The following ZNF207 variants were observed in gnomAD, a reference collection of about 807,000 sequenced individuals.
The protein encoded by ZNF207 is BUB3-interacting and GLEBS motif-containing protein ZNF207.
Under a neutral mutation model 60.2 loss-of-function variants are expected in ZNF207, and 24 were observed. The observed-to-expected ratio is 0.40, with a 90% CI of 0.29 to 0.56. The LOEUF is 0.56. ZNF207 is among the 20% of genes least tolerant of loss of function. The pLI, the probability that ZNF207 is intolerant of heterozygous loss-of-function variation, is 0.49. For synonymous variants in ZNF207, 236 were observed against 194.7 expected (o/e 1.21, Z -1.77); for missense variants, 452 against 636.6 (o/e 0.71, Z 3.12).
rs1426286914 is a variant in ZNF207, at chr17:32,371,412, C to T, written c.*1653C>T. Reference sequence around the variant, plus strand: ...TTTATGTGACAGATGAAAGTCATACCTTTAAGCAAAACATTGCAAGTATTA... The same window carrying T: ...TTTATGTGACAGATGAAAGTCATACTTTTAAGCAAAACATTGCAAGTATTA... On this transcript the variant is annotated 3_prime_UTR_variant, in exon 12 of 12. Transcript: ENST00000394670. 6.6e-6 allele frequency: 1 copy of T among 152,186 alleles called. No homozygotes were observed. Among genetic ancestry groups the T allele is most frequent in the African/African-American group, 2.4e-5 (1 of 41,454 alleles). 9.4% of individuals were successfully genotyped at this position (152,186 alleles called of 1,614,324 possible).
In ZNF207 at chr17:32,369,361, G is replaced by A. The variant is rs762223546; in HGVS notation, c.1231G>A (p.Gly411Ser). ...NLPRPGQAPI[G>S]NPPVGPIGGM... is the part of the protein sequence containing the mutation. Reference sequence around the variant, plus strand: ...TCCTCGGCCAGGACAGGCCCCCATCGGTAATCCACCAGTTGGACCAATTGG... The same window carrying A: ...TCCTCGGCCAGGACAGGCCCCCATCAGTAATCCACCAGTTGGACCAATTGG... Residue 411 changes from glycine to serine, a missense_variant, in exon 11 of 12, where the codon GGT becomes AGT. By Grantham distance (56) the Gly-to-Ser change is moderately conservative (BLOSUM62 0). Transcript: ENST00000394670. The A allele has an allele frequency of 2.1e-5, 34 of 1,613,930 alleles. No individual in the cohort carries two copies. Among genetic ancestry groups the A allele is most frequent in the Middle Eastern group, 3.3e-4 (2 of 6,082 alleles).
rs773689824 is a variant in ZNF207, at chr17:32,360,547, A to G, written c.308-51A>G. ...TATTTTTAAATATTGAATGTTGTAAATAAACTTTCTTAGTTTTTACTCTAT... is the reference window on the plus strand; with the variant it reads ...TATTTTTAAATATTGAATGTTGTAAGTAAACTTTCTTAGTTTTTACTCTAT... On this transcript the variant is annotated intron_variant, in intron 3 of 11. Coordinates refer to ENST00000394670, the MANE Select transcript of ZNF207 (RefSeq NM_001098507.2). 1.4e-5 allele frequency: 21 copies of G among 1,509,480 alleles called. No homozygotes were observed. The African/African-American group carries it at 2.6e-4, about 18-fold the overall frequency. The allele number at this position is 1,509,480 out of a possible 1,614,324, so 93.5% of individuals were successfully genotyped here. A position where few individuals can be genotyped will look rare whatever the true frequency, so the allele number is the denominator to read the frequency against.
At chr17:32,355,132 C>T (rs1214585526) in intron 2 of ZNF207, among the ~76,000 whole-genome samples, 5 of 152,144 alleles carry the variant, frequency 3.3e-5, no homozygotes, top group African/African-American at 1.2e-4. Flanking sequence ...TGCGGTGGCT[C>T]ACGCCTGTAA....
intron 2 of ZNF207, among the ~76,000 whole-genome samples, chr17:32,356,651 C>G (rs1904524972): frequency 6.6e-6 from 1 of 152,122 alleles, no homozygotes; most frequent in Non-Finnish European, 1.5e-5. Context: ...AGTCATTAGC[C>G]TAAATGAGTG....
At chr17:32,363,742 G>T (rs1039723925) in intron 7 of ZNF207, among the ~76,000 whole-genome samples, 2 of 151,472 alleles carry the variant, frequency 1.3e-5, no homozygotes, top group African/African-American at 4.9e-5. Context: ...ATGTCGGCCA[G>T]CTGGTCTCAA....
At position 32,377,547 on chromosome 17, in the gene ZNF207, C is replaced by T. The variant is rs896018074; in HGVS notation, c.*7788C>T. On this transcript the variant is annotated 3_prime_UTR_variant, in exon 12 of 12. Coordinates refer to ENST00000394670, the MANE Select transcript of ZNF207 (RefSeq NM_001098507.2). ...TCTGATGTGACAAAATCAATTTTTA[C>T]AAAAGTTGAATTAAAAACTTTTAAA... 2 of 151,850 alleles carry T rather than the reference C, an allele frequency of 1.3e-5. No individual in the cohort carries two copies. Among genetic ancestry groups the T allele is most frequent in the Non-Finnish European group, 2.9e-5 (2 of 67,832 alleles). The allele number at this position is 151,850 out of a possible 1,614,324, so 9.4% of individuals were successfully genotyped here. A position where few individuals can be genotyped will look rare whatever the true frequency, so the allele number is the denominator to read the frequency against.
At chr17:32,368,127 T>A in intron 10 of ZNF207, 113 bp downstream of exon 10, 2 of 1,445,776 alleles carry the variant, frequency 1.4e-6, no homozygotes, top group Non-Finnish European at 1.9e-6. Context: ...TCTGGTTTAA[T>A]GCTCACTAAG....
intron 2 of ZNF207, among the ~76,000 whole-genome samples, chr17:32,352,360 A>G (rs1363622123): frequency 7.2e-5 from 11 of 152,118 alleles, no homozygotes; most frequent in Non-Finnish European, 1.5e-4. Flanking sequence ...GCCAATCAGC[A>G]TTAAAAAAAA....
chr17:32,356,602 G>A (rs1904520659), intron 2 of ZNF207, among the ~76,000 whole-genome samples: 1 of 152,050 alleles, frequency 6.6e-6, no homozygotes, highest in Non-Finnish European at 1.5e-5. Context: ...TGTCTTAGGA[G>A]GAAAGAAAAA....
Position 32,368,149 on chromosome 17 carries a change from A to G in ZNF207, c.1164+135A>G. 3 of 1,261,958 alleles carry G rather than the reference A, an allele frequency of 2.4e-6. 1 individual carries two copies. In the South Asian group the frequency reaches 4.6e-5, roughly 19 times the overall value. The allele number at this position is 1,261,958 out of a possible 1,614,324, so 78.2% of individuals were successfully genotyped here. ...TAATGCTCACTAAGTGGTTTTTGCCATTCTGATTCTTAAGAAATCATAAAA... is the reference window on the plus strand; with the variant it reads ...TAATGCTCACTAAGTGGTTTTTGCCGTTCTGATTCTTAAGAAATCATAAAA... On this transcript the variant is annotated intron_variant, in intron 10 of 11. Transcript: ENST00000394670.
chr17:32,365,593 A>G, intron 8 of ZNF207, 106 bp downstream of exon 8: 5 of 1,025,084 alleles, frequency 4.9e-6, no homozygotes, highest in Non-Finnish European at 6.5e-6. Flanking sequence ...TGTTTATAAT[A>G]TTTTTAATAT....
In ZNF207 at chr17:32,369,897, G is replaced by A; in HGVS notation, c.*138G>A. On this transcript the variant is annotated 3_prime_UTR_variant, in exon 12 of 12. Transcript: ENST00000394670. ...TCTTCCCACATACCAGGAACTATTGGACATTTATTTTACATGGGAAAAATT... is the reference window on the plus strand; with the variant it reads ...TCTTCCCACATACCAGGAACTATTGAACATTTATTTTACATGGGAAAAATT... The A allele has an allele frequency of 9.9e-7, 1 of 1,007,330 alleles. No homozygotes were observed. Among genetic ancestry groups the A allele is most frequent in the Non-Finnish European group, 1.3e-6 (1 of 770,512 alleles). 62.4% of individuals were successfully genotyped at this position (1,007,330 alleles called of 1,614,324 possible).
chr17:32,353,811 CAAAAAAAAAAAAAAA>C (rs536502166), intron 2 of ZNF207, among the ~76,000 whole-genome samples: 4 of 110,520 alleles, frequency 3.6e-5, no homozygotes, highest in South Asian at 3.3e-4. Context: ...ACTCTGTCTC[CAAAAAAAAAAAAAAA>C]AAAAAAAAAA....
chr17:32,355,532 G>A lies in ZNF207; in HGVS notation c.169-2971G>A, dbSNP rs113583939. Among the ~76,000 whole-genome samples the A allele has an allele frequency of 1.2e-3, 182 of 152,316 alleles. 3 individuals are homozygous for A. Among genetic ancestry groups the A allele is most frequent in the African/African-American group, 3.9e-3 (162 of 41,566 alleles). On this transcript the variant is annotated intron_variant, in intron 2 of 11. Coordinates refer to ENST00000394670, the MANE Select transcript of ZNF207 (RefSeq NM_001098507.2). ...TAAATATCCAGATGAAAAGGTTACC[G>A]AAGCAGTTTGATGTACAAGTCAGGA...
intron 2 of ZNF207, among the ~76,000 whole-genome samples, chr17:32,355,854 A>C (rs1041438139): frequency 6.6e-6 from 1 of 152,216 alleles, no homozygotes; most frequent in Admixed American, 6.5e-5. Flanking sequence ...GACTGGGTTA[A>C]TAAGGTCATT....
Position 32,369,962 on chromosome 17 carries a change from A to T in ZNF207, c.*203A>T. 2 of 488,520 alleles carry T rather than the reference A, an allele frequency of 4.1e-6. No homozygotes were observed. The highest frequency in any genetic ancestry group is 6.4e-6 in the Non-Finnish European group (2 of 311,100). 30.3% of individuals were successfully genotyped at this position (488,520 alleles called of 1,614,324 possible). A position where few individuals can be genotyped will look rare whatever the true frequency, so the allele number is the denominator to read the frequency against. On this transcript the variant is annotated 3_prime_UTR_variant, in exon 12 of 12. Transcript: ENST00000394670. ...AGCAGGAACTTTTCCTGAAGTTGCA[A>T]TTTATACTGTATGGCTTCTTTTTCA...
intron 2 of ZNF207, among the ~76,000 whole-genome samples, chr17:32,357,210 G>C (rs950955603): frequency 6.6e-6 from 1 of 150,406 alleles, no homozygotes; most frequent in African/African-American, 2.4e-5. Flanking sequence ...AATGCCTCAC[G>C]TAACTCATTA....
chr17:32,358,602 A>G lies in ZNF207; in HGVS notation c.268A>G (p.Met90Val). 1 of 1,541,176 alleles carries G rather than the reference A, an allele frequency of 6.5e-7. No individual in the cohort carries two copies. The highest frequency in any genetic ancestry group is 8.7e-7 in the Non-Finnish European group (1 of 1,151,710). The change falls in exon 3 of 12, where the codon ATG becomes GTG. Residue 90 changes from methionine (M) to valine (V), a missense_variant. Transcript: ENST00000394670. ...TATGGAAGGTATTCCAGAAAAAGAC[A>G]TGGATGAAAGACGACGACTTCTTGA... is the stretch of plus-strand genomic sequence containing the variant. ...YGMEGIPEKD[M>V]DERRRLLEQK...
Position 32,370,228 on chromosome 17 carries a change from A to G in ZNF207, c.*469A>G, listed in dbSNP as rs1905405298. On this transcript the variant is annotated 3_prime_UTR_variant, in exon 12 of 12. Coordinates refer to ENST00000394670, the MANE Select transcript of ZNF207 (RefSeq NM_001098507.2). ...TACATTGGAAGTCTGAATGTGTAAC[A>G]ATATTTAATGTATTTAGAGTTCCTC... The G allele has an allele frequency of 6.5e-6, 1 of 152,908 alleles. No homozygotes were observed. Among genetic ancestry groups the G allele is most frequent in the Non-Finnish European group, 1.5e-5 (1 of 68,228 alleles). 9.5% of individuals were successfully genotyped at this position (152,908 alleles called of 1,614,324 possible).
Sources: gnomAD v4.1 joint callset for allele counts (sites outside exome capture counted in the v4.1 genomes callset) on GRCh38, gnomAD v4.1.1 for gene constraint, MANE v1.5 for transcripts, NCBI Gene and HGNC (gene_info 2026-07-23, HGNC 2026-07-21) for gene names.